RAVER1: variants seen among roughly 807,000 people sequenced by gnomAD.
The protein encoded by RAVER1 is ribonucleoprotein PTB-binding 1.
A neutral mutation model predicts 68.4 loss-of-function variants in RAVER1; 36 were observed. The ratio of observed to expected loss-of-function variants is 0.53; its 90% CI spans 0.40 to 0.70. The LOEUF is 0.70. Ranked by LOEUF, RAVER1 falls within the 30% of genes least tolerant of loss-of-function variation. RAVER1 has a pLI of 0.00. For synonymous variants in RAVER1, 469 were observed against 472.7 expected (o/e 0.99, Z 0.10); for missense variants, 933 against 1,019.8 (o/e 0.91, Z 1.16).
Position 10,329,567 on chromosome 19 carries a change from T to C in RAVER1, c.287-456A>G, listed in dbSNP as rs1230973385. On this transcript the variant is annotated intron_variant, in intron 2 of 12. Coordinates refer to ENST00000617231, the MANE Select transcript of RAVER1 (RefSeq NM_133452.3). The surrounding 1 kb of genome is among the most constrained non-coding windows in gnomAD (Gnocchi z 4.6). ...AAACGGGCCCAGAGCAGCACCCCTG[T>C]GCCCCGAGTAGGGGAGCCTGGACTT... is the stretch of plus-strand genomic sequence containing the variant. Among the ~76,000 whole-genome samples, 1 of 151,668 alleles carries C rather than the reference T, an allele frequency of 6.6e-6. No homozygotes were observed. Among genetic ancestry groups the C allele is most frequent in the East Asian group, 1.9e-4 (1 of 5,134 alleles).
Position 10,320,696 on chromosome 19 carries a change from C to A in RAVER1, c.1729G>T (p.Glu577Ter). Reference protein sequence around the residue: ...SPLSSARLPPEPGLSDSYSFD... With the variant: ...SPLSSARLPP ...CTGTAGCTGTCAGACAGTCCTGGTT[C>A]GGGGGGCAGGCGGGCGCTGCTGAGG... is the stretch of plus-strand genomic sequence containing the variant. Residue 577 changes from glutamate to a stop codon, truncating the protein, a stop_gained, in exon 9 of 13, where the codon GAA (glutamate) becomes TAA (stop). Transcript: ENST00000617231. LOFTEE classifies it high-confidence loss of function. 6.5e-7 allele frequency: 1 copy of A among 1,539,964 alleles called. No individual in the cohort carries two copies. The highest frequency in any genetic ancestry group is 1.2e-5 in the South Asian group (1 of 81,460).
chr19:10,326,433 AT>A (rs2145078115), intron 3 of RAVER1, among the ~76,000 whole-genome samples: 1 of 152,262 alleles, frequency 6.6e-6, no homozygotes, highest in South Asian at 2.1e-4. Context: ...TGGCTCATGG[AT>A]ACTCAGTTTT....
At chr19:10,331,382 AATAACAAC>A (rs1568314164) in intron 1 of RAVER1, among the ~76,000 whole-genome samples, 3 of 90,440 alleles carry the variant, frequency 3.3e-5, no homozygotes, top group African/African-American at 4.6e-5. Flanking sequence ...AAAAAAAAAA[AATAACAAC>A]AACAAAAAAA....
chr19:10,317,923 T>G lies in RAVER1; in HGVS notation c.1990-150A>C. On this transcript the variant is annotated intron_variant, in intron 11 of 12. Coordinates refer to ENST00000617231, the MANE Select transcript of RAVER1 (RefSeq NM_133452.3). This position sits in a 1 kb window ranked among gnomAD's most constrained non-coding sequence, Gnocchi z 4.3. Reference sequence around the variant, plus strand: ...TCTGCTACTTTCTAGCTATAAGACCTAGGGCCAATTGCTCCATTTTATTTG... The same window carrying G: ...TCTGCTACTTTCTAGCTATAAGACCGAGGGCCAATTGCTCCATTTTATTTG... 1 of 659,086 alleles carries G rather than the reference T, an allele frequency of 1.5e-6. No individual in the cohort carries two copies. The allele number at this position is 659,086 out of a possible 1,614,324, so 40.8% of individuals were successfully genotyped here.
chr19:10,319,062 A>G, intron 10 of RAVER1, 104 bp downstream of exon 10: 1 of 1,091,026 alleles, frequency 9.2e-7, no homozygotes, highest in Non-Finnish European at 1.3e-6. Context: ...CCCACAAAGA[A>G]CACACAAAAT....
At position 10,318,358 on chromosome 19, in the gene RAVER1, G is replaced by A. The variant is rs1390527715; in HGVS notation, c.1860C>T (p.Pro620=). The change falls in exon 11 of 13, where the codon CCC becomes CCT. Residue 620 remains proline, a synonymous_variant. Transcript: ENST00000617231. The part of the protein sequence containing the change: ...GPSRHKMSPP[P]SGFGERSSGG... ...CGCTGCTCCGTTCGCCGAAGCCACT[G>A]GGCGGGGGGGACATCTGTAGAAGAA... 6.2e-7 allele frequency: 1 copy of A among 1,600,066 alleles called. No homozygotes were observed. Among genetic ancestry groups the A allele is most frequent in the Non-Finnish European group, 8.5e-7 (1 of 1,175,044 alleles).
chr19:10,321,339 A>C, intron 7 of RAVER1, 80 bp from the exon 8 acceptor site: 1 of 828,010 alleles, frequency 1.2e-6, no homozygotes, highest in Non-Finnish European at 1.6e-6. Flanking sequence ...CACCTGGACC[A>C]GGGCCCAGGG....
At chr19:10,318,112 C>T in intron 11 of RAVER1, 117 bp downstream of exon 11, 2 of 879,902 alleles carry the variant, frequency 2.3e-6, no homozygotes, top group Admixed American at 2.9e-5. Context: ...GCAAGACCAA[C>T]CCCTGCCACC....
intron 7 of RAVER1, 64 bp from the exon 8 acceptor site, chr19:10,321,323 A>G: frequency 2.2e-6 from 2 of 895,626 alleles, no homozygotes; most frequent in South Asian, 4.7e-5. Flanking sequence ...AGGGCCCTCC[A>G]GCTCCCACCT....
At chr19:10,325,199 T>A (rs182517547) in intron 3 of RAVER1, among the ~76,000 whole-genome samples, 15 of 152,198 alleles carry the variant, frequency 9.9e-5, no homozygotes, top group Admixed American at 9.8e-4. Flanking sequence ...TTTTTTTCTA[T>A]TTTTAATAGA....
chr19:10,330,955 T>C (rs1388367037), intron 1 of RAVER1, among the ~76,000 whole-genome samples: 4 of 151,522 alleles, frequency 2.6e-5, no homozygotes, highest in Non-Finnish European at 5.9e-5. Flanking sequence ...TCCTAGCTAC[T>C]CGGGAGGCTG....
At chr19:10,332,815 C>T (rs2040532271) in intron 1 of RAVER1, among the ~76,000 whole-genome samples, 1 of 152,148 alleles carries the variant, frequency 6.6e-6, no homozygotes, top group Non-Finnish European at 1.5e-5. Context: ...CTGCTGTTAA[C>T]TTCCGGATTT....
At chr19:10,324,948 G>C (rs973083411) in intron 3 of RAVER1, among the ~76,000 whole-genome samples, 10 of 152,160 alleles carry the variant, frequency 6.6e-5, no homozygotes, top group African/African-American at 2.2e-4. Context: ...CTCTTTGGGA[G>C]GCAAAGGCAG....
Position 10,318,355 on chromosome 19 carries a change from A to G in RAVER1, c.1863T>C (p.Ser621=). 6.2e-7 allele frequency: 1 copy of G among 1,602,750 alleles called. No individual in the cohort carries two copies. Among genetic ancestry groups the G allele is most frequent in the African/African-American group, 1.3e-5 (1 of 74,422 alleles). The part of the protein sequence containing the change: ...PSRHKMSPPP[S]GFGERSSGGS... ...CACCGCTGCTCCGTTCGCCGAAGCC[A>G]CTGGGCGGGGGGGACATCTGTAGAA... Residue 621 remains serine (S), a synonymous_variant, in exon 11 of 13, where the codon AGT becomes AGC. Coordinates refer to ENST00000617231, the MANE Select transcript of RAVER1 (RefSeq NM_133452.3).
Position 10,320,891 on chromosome 19 carries a change from G to A in RAVER1, c.1534C>T (p.Leu512=). 1 of 1,510,552 alleles carries A rather than the reference G, an allele frequency of 6.6e-7. No homozygotes were observed. The highest frequency in any genetic ancestry group is 8.8e-7 in the Non-Finnish European group (1 of 1,135,546). The allele number at this position is 1,510,552 out of a possible 1,614,324, so 93.6% of individuals were successfully genotyped here. A position where few individuals can be genotyped will look rare whatever the true frequency, so the allele number is the denominator to read the frequency against. ...TTGCTGGCCGGGAGCAGGCTGTGTAGGTTCAGGTAGGGATTCAGGGGAATC... is the reference window on the plus strand; with the variant it reads ...TTGCTGGCCGGGAGCAGGCTGTGTAAGTTCAGGTAGGGATTCAGGGGAATC... ...YRIPLNPYLN[L]HSLLPASNLA... Residue 512 remains leucine, a synonymous_variant, in exon 9 of 13, where the codon CTA becomes TTA. Coordinates refer to ENST00000617231, the MANE Select transcript of RAVER1 (RefSeq NM_133452.3).
chr19:10,326,351 T>G (rs1053388376), intron 3 of RAVER1, among the ~76,000 whole-genome samples: 1 of 152,242 alleles, frequency 6.6e-6, no homozygotes, highest in Non-Finnish European at 1.5e-5. Context: ...ATAGCAGGCC[T>G]GGTACGTAGC....
intron 3 of RAVER1, among the ~76,000 whole-genome samples, chr19:10,326,406 CAG>C (rs914200278): frequency 1.3e-5 from 2 of 152,358 alleles, no homozygotes; most frequent in Non-Finnish European, 1.5e-5. Context: ...GATAAGTAAA[CAG>C]AGAGGGGGTT....
At chr19:10,320,583 C>A in intron 9 of RAVER1, 72 bp downstream of exon 9, 1 of 1,380,482 alleles carries the variant, frequency 7.2e-7, no homozygotes, top group South Asian at 1.4e-5. Context: ...CTGGCATAGT[C>A]AATCCTAGAG....
At chr19:10,319,318 G>C in intron 9 of RAVER1, 78 bp from the exon 10 acceptor site, 1 of 1,430,366 alleles carries the variant, frequency 7.0e-7, no homozygotes, top group East Asian at 2.4e-5. Flanking sequence ...TGGCAGAGCT[G>C]TCATCAGGGA....
Sources: gnomAD v4.1 joint callset for allele counts (sites outside exome capture counted in the v4.1 genomes callset) on GRCh38, gnomAD v4.1.1 for gene constraint, Gnocchi (gnomAD v3.1) non-coding constraint, MANE v1.5 for transcripts, NCBI Gene and HGNC (gene_info 2026-07-23, HGNC 2026-07-21) for gene names.